The following ACOX3 variants were observed in gnomAD, a reference collection of about 807,000 sequenced individuals.
ACOX3 encodes acyl-CoA oxidase 3, pristanoyl.
A neutral mutation model predicts 81.5 loss-of-function variants in ACOX3; 73 were observed. That is an observed-to-expected ratio of 0.90 (90% CI 0.74 to 1.09). The LOEUF (loss-of-function observed/expected upper bound fraction) is 1.09. Among genes scored for constraint, ACOX3 ranks in the 50% least tolerant of loss-of-function variants. The pLI is 0.00. For synonymous variants in ACOX3, 387 were observed against 375.1 expected, an observed-to-expected ratio of 1.03 and a Z score of -0.37; for missense variants, 947 against 928.0, an observed-to-expected ratio of 1.02 and a Z score of -0.27.
intron 14 of ACOX3, among the ~76,000 whole-genome samples, chr4:8,376,500 G>C (rs924341982): frequency 1.3e-5 from 2 of 152,304 alleles, no homozygotes; most frequent in Non-Finnish European, 2.9e-5. Flanking sequence ...ACGGCAGCAG[G>C]GTCTCCAGTC....
chr4:8,401,264 C>A (rs1042882496), intron 7 of ACOX3, among the ~76,000 whole-genome samples: 4 of 152,128 alleles, frequency 2.6e-5, no homozygotes, highest in Non-Finnish European at 5.9e-5. Context: ...CAGACTAGTA[C>A]CACGGGGTTG....
chr4:8,418,290 A>C lies in ACOX3; in HGVS notation c.-14-1755T>G, dbSNP rs562583697. Among the ~76,000 whole-genome samples, 4 of 152,214 alleles carry C rather than the reference A, an allele frequency of 2.6e-5. No homozygotes were observed. In the South Asian group the frequency reaches 8.3e-4, roughly 32 times the overall value. ...TGAAATTTTATAAACTGAATCCAGC[A>C]ACATATAAAAAAGATTATATGTGCC... On this transcript the variant is annotated intron_variant, in intron 1 of 17. Transcript: ENST00000356406.
intron 16 of ACOX3, among the ~76,000 whole-genome samples, chr4:8,372,976 A>G (rs1716412859): frequency 2.0e-5 from 3 of 152,166 alleles, no homozygotes; most frequent in Admixed American, 1.3e-4. Context: ...CTGCCGTGCT[A>G]AACAGCACAG....
At position 8,410,299 on chromosome 4, in the gene ACOX3, C is replaced by T; in HGVS notation, c.600G>A (p.Met200Ile). ...CCACCGCGTGAGTGGCTGTCTTGCC[C>T]ATGTTGCCAACCCAAAACTTGGCAG... ...FEAAKFWVGN[M>I]GKTATHAVVF... Residue 200 changes from methionine (M) to isoleucine (I), a missense_variant, in exon 6 of 18, where the codon ATG (methionine) becomes ATA (isoleucine). Physicochemically the swap from Met to Ile is conservative, Grantham distance 10. Coordinates refer to ENST00000356406, the MANE Select transcript of ACOX3 (RefSeq NM_003501.3). 1 of 1,614,140 alleles carries T rather than the reference C, an allele frequency of 6.2e-7. No homozygotes were observed. Among genetic ancestry groups the T allele is most frequent in the South Asian group, 1.1e-5 (1 of 91,088 alleles).
Position 8,414,321 on chromosome 4 carries a change from T to G in ACOX3, c.514A>C (p.Thr172Pro). The change falls in exon 5 of 18, where the codon ACA (threonine) becomes CCA (proline). Residue 172 changes from threonine (T) to proline (P), a missense_variant. Physicochemically the swap from Thr to Pro is conservative, Grantham distance 38. Coordinates refer to ENST00000356406, the MANE Select transcript of ACOX3 (RefSeq NM_003501.3). The surrounding 1 kb of genome is among the most constrained non-coding windows in gnomAD (Gnocchi z 6.1). Reference protein sequence around the residue: ...SHGSNTKAIRTTAHYDPATEE... With the variant: ...SHGSNTKAIRPTAHYDPATEE... ...GTGGCAGGATCGTAGTGGGCAGTTG[T>G]GCGAATGGCCTTGGTATTACTGCCG... 6.2e-7 allele frequency: 1 copy of G among 1,614,142 alleles called. No homozygotes were observed. The highest frequency in any genetic ancestry group is 8.5e-7 in the Non-Finnish European group (1 of 1,180,018).
intron 13 of ACOX3, among the ~76,000 whole-genome samples, 179 bp downstream of exon 13, chr4:8,388,994 G>T (rs774563361): frequency 3.7e-4 from 56 of 152,280 alleles, no homozygotes; most frequent in Middle Eastern, 3.4e-3. Context: ...CTAACTCGGC[G>T]TCAGGCACAA....
In ACOX3 at chr4:8,400,722, T is replaced by C. The variant is rs1720276591; in HGVS notation, c.777-1070A>G. On this transcript the variant is annotated intron_variant, in intron 7 of 17. Coordinates refer to ENST00000356406, the MANE Select transcript of ACOX3 (RefSeq NM_003501.3). The surrounding 1 kb of genome is among the most constrained non-coding windows in gnomAD (Gnocchi z 4.4). Reference sequence around the variant, plus strand: ...AAATATCAATAGTTCCTATAGCAACTTGTCTGATTCCTAAGTTCACTTGCA... The same window carrying C: ...AAATATCAATAGTTCCTATAGCAACCTGTCTGATTCCTAAGTTCACTTGCA... Among the ~76,000 whole-genome samples, 1 of 152,176 alleles carries C rather than the reference T, an allele frequency of 6.6e-6. No homozygotes were observed. Among genetic ancestry groups the C allele is most frequent in the Non-Finnish European group, 1.5e-5 (1 of 68,040 alleles).
At chr4:8,426,010 T>A (rs1360258848) in intron 1 of ACOX3, among the ~76,000 whole-genome samples, 1 of 152,100 alleles carries the variant, frequency 6.6e-6, no homozygotes, top group African/African-American at 2.4e-5. Flanking sequence ...CATGGCCTGC[T>A]CTGTTGCCCA....
rs967616682 is a variant in ACOX3 at position 8,419,655 on chromosome 4, G to A, written c.-14-3120C>T. On this transcript the variant is annotated intron_variant, in intron 1 of 17. Transcript: ENST00000356406. This position sits in a 1 kb window ranked among gnomAD's most constrained non-coding sequence, Gnocchi z 4.2. ...TACGCAAGAGAACCGAAAACATCAC[G>A]TCCTCAATGTGTGCAAGGCTCCCCG... Among the ~76,000 whole-genome samples, 65 of 152,180 alleles carry A rather than the reference G, an allele frequency of 4.3e-4. No individual in the cohort carries two copies. Among genetic ancestry groups the A allele is most frequent in the Non-Finnish European group, 2.1e-4 (14 of 68,018 alleles).
At position 8,392,471 on chromosome 4, in the gene ACOX3, C is replaced by T; in HGVS notation, c.1180-18G>A. The T allele has an allele frequency of 6.5e-7, 1 of 1,537,848 alleles. No homozygotes were observed. The highest frequency in any genetic ancestry group is 2.4e-5 in the East Asian group (1 of 42,298). ...AGCTCTGCCTTTGGGTGAGGGAATCCAACAAGAACAGGTGAAAAGAGACTT... is the reference window on the plus strand; with the variant it reads ...AGCTCTGCCTTTGGGTGAGGGAATCTAACAAGAACAGGTGAAAAGAGACTT... On this transcript the variant is annotated intron_variant, in intron 10 of 17. Transcript: ENST00000356406.
At position 8,432,963 on chromosome 4, in the gene ACOX3, G is replaced by A. The variant is rs1439634024; in HGVS notation, c.-15+7685C>T. ...AGTTGCACTAGCTGCACTCAAGTGT[G>A]GGTCAGTAGCCAAAAGTAACTACGG... is the stretch of plus-strand genomic sequence containing the variant. On this transcript the variant is annotated intron_variant, in intron 1 of 17. Coordinates refer to ENST00000356406, the MANE Select transcript of ACOX3 (RefSeq NM_003501.3). This position sits in a 1 kb window ranked among gnomAD's most constrained non-coding sequence, Gnocchi z 6.2. Among the ~76,000 whole-genome samples, 2 of 152,216 alleles carry A rather than the reference G, an allele frequency of 1.3e-5. No homozygotes were observed. The highest frequency in any genetic ancestry group is 4.8e-5 in the African/African-American group (2 of 41,452).
downstream of ACOX3, among the ~76,000 whole-genome samples, chr4:8,361,456 A>AAAAAAAAAAAAAC (rs1715233479): frequency 6.7e-6 from 1 of 149,520 alleles, no homozygotes; most frequent in African/African-American, 2.5e-5. Context: ...AAAAAAAAAA[A>AAAAAAAAAAAAAC]AGGATTGTTT....
At position 8,366,914 on chromosome 4, in the gene ACOX3, T is replaced by C; in HGVS notation, c.*47A>G. 1 of 1,608,058 alleles carries C rather than the reference T, an allele frequency of 6.2e-7. No individual in the cohort carries two copies. The highest frequency in any genetic ancestry group is 8.5e-7 in the Non-Finnish European group (1 of 1,175,956). ...TCAGAAGTTGAGGTCCACGTCTGATTAGTTCCCTTCGTTTCATTAGACTTG... is the reference window on the plus strand; with the variant it reads ...TCAGAAGTTGAGGTCCACGTCTGATCAGTTCCCTTCGTTTCATTAGACTTG... On this transcript the variant is annotated 3_prime_UTR_variant, in exon 18 of 18. Transcript: ENST00000356406.
At chr4:8,396,785 G>C in intron 9 of ACOX3, 152 bp downstream of exon 9, 1 of 845,606 alleles carries the variant, frequency 1.2e-6, no homozygotes, top group Non-Finnish European at 1.8e-6. Context: ...AAGCCTTGCG[G>C]CCTGAGATGC....
intron 13 of ACOX3, among the ~76,000 whole-genome samples, chr4:8,383,050 C>T (rs1332036757): frequency 6.6e-6 from 1 of 152,152 alleles, no homozygotes; most frequent in African/African-American, 2.4e-5. Flanking sequence ...ACAGCACACC[C>T]GACTGCTTTC....
At position 8,414,251 on chromosome 4, in the gene ACOX3, T is replaced by C. The variant is rs1232880819; in HGVS notation, c.543+41A>G. 1 of 1,551,086 alleles carries C rather than the reference T, an allele frequency of 6.4e-7. No individual in the cohort carries two copies. The highest frequency in any genetic ancestry group is 8.9e-7 in the Non-Finnish European group (1 of 1,123,112). Reference sequence around the variant, plus strand: ...CGGCATTTGCACTCATGACGTCTCATATGCTCCAAACTCAGGGACCCGGGG... The same window carrying C: ...CGGCATTTGCACTCATGACGTCTCACATGCTCCAAACTCAGGGACCCGGGG... On this transcript the variant is annotated intron_variant, in intron 5 of 17. Coordinates refer to ENST00000356406, the MANE Select transcript of ACOX3 (RefSeq NM_003501.3). This position sits in a 1 kb window ranked among gnomAD's most constrained non-coding sequence, Gnocchi z 6.1.
intron 11 of ACOX3, among the ~76,000 whole-genome samples, chr4:8,391,031 G>GTGTATATGTATATGTATATGTATA (rs57021460): frequency 0.02 from 3,034 of 148,210 alleles, 35 homozygotes; most frequent in Middle Eastern, 0.025. Flanking sequence ...GTATATGTAT[G>GTGTATATGTATATGTATATGTATA]TGTATATGTA....
intron 11 of ACOX3, among the ~76,000 whole-genome samples, chr4:8,391,668 T>C (rs1477982794): frequency 6.6e-6 from 1 of 152,216 alleles, no homozygotes; most frequent in East Asian, 1.9e-4. Context: ...ATTCACTTAA[T>C]TCTGGCAAGA....
intron 13 of ACOX3, among the ~76,000 whole-genome samples, chr4:8,383,060 C>T (rs906489314): frequency 6.6e-6 from 1 of 152,048 alleles, no homozygotes; most frequent in African/African-American, 2.4e-5. Context: ...CGACTGCTTT[C>T]GGCTGTTACA....
Sources: gnomAD v4.1 joint callset for allele counts (sites outside exome capture counted in the v4.1 genomes callset) on GRCh38, gnomAD v4.1.1 for gene constraint, Gnocchi (gnomAD v3.1) non-coding constraint, MANE v1.5 for transcripts, NCBI Gene and HGNC (gene_info 2026-07-23, HGNC 2026-07-21) for gene names.